MYO5A: variants seen among roughly 807,000 people sequenced by gnomAD.
The protein encoded by MYO5A is unconventional myosin-Va.
Under a neutral mutation model 249.7 loss-of-function variants are expected in MYO5A, and 98 were observed. That is an observed-to-expected ratio of 0.39 (90% CI 0.33 to 0.46). MYO5A has a LOEUF of 0.46. Ranked by LOEUF, MYO5A falls within the 20% of genes least tolerant of loss-of-function variation. The pLI is 0.98. For synonymous variants in MYO5A, 778 were observed against 810.6 expected, an observed-to-expected ratio of 0.96 and a Z score of 0.68; for missense variants, 1,696 against 2,308.8, an observed-to-expected ratio of 0.73 and a Z score of 5.44.
intron 36 of MYO5A, 169 bp from the exon 37 acceptor site, chr15:52,323,613 A>C: frequency 1.7e-6 from 1 of 575,332 alleles, no homozygotes; most frequent in Non-Finnish European, 3.1e-6. Context: ...GCAGAATGTC[A>C]GCGACCAGGT....
intron 1 of MYO5A, among the ~76,000 whole-genome samples, chr15:52,456,032 A>T (rs1275131468): frequency 6.6e-6 from 1 of 152,158 alleles, no homozygotes; most frequent in Admixed American, 6.5e-5. Context: ...CCTTGCTCGC[A>T]GATGACATGA....
chr15:52,517,858 C>G, intron 1 of MYO5A, among the ~76,000 whole-genome samples: 1 of 151,710 alleles, frequency 6.6e-6, no homozygotes, highest in Non-Finnish European at 1.5e-5. Context: ...CAATAGTTGA[C>G]AATGATTATT....
chr15:52,440,768 T>C (rs574495633), intron 1 of MYO5A, among the ~76,000 whole-genome samples: 2 of 152,346 alleles, frequency 1.3e-5, no homozygotes, highest in South Asian at 4.1e-4. Context: ...CAGAGTAAAC[T>C]GACCAGCCCT....
At position 52,313,282 on chromosome 15, in the gene MYO5A, T is replaced by C; in HGVS notation, c.*414A>G. ...GAGACTTTTCTTTCCATTCTCCTGT[T>C]TAGTGCAGAGGAGGTTCTTTGGTGC... is the stretch of plus-strand genomic sequence containing the variant. On this transcript the variant is annotated 3_prime_UTR_variant, in exon 42 of 42. Coordinates refer to ENST00000399233, the MANE Select transcript of MYO5A (RefSeq NM_001382347.1). 1 of 222,200 alleles carries C rather than the reference T, an allele frequency of 4.5e-6. No individual in the cohort carries two copies. Among genetic ancestry groups the C allele is most frequent in the South Asian group, 7.2e-5 (1 of 13,908 alleles). The allele number at this position is 222,200 out of a possible 1,614,324, so 13.8% of individuals were successfully genotyped here.
At position 52,314,200 on chromosome 15, in the gene MYO5A, C is replaced by A. The variant is rs770046260; in HGVS notation, c.5413G>T (p.Val1805Leu). ...GGAGTATACAAATTCAACACTTTCACAATCTGTGAGAAATGAAATGATCAA... is the reference window on the plus strand; with the variant it reads ...GGAGTATACAAATTCAACACTTTCAAAATCTGTGAGAAATGAAATGATCAA... ...MCNALTTAQI[V>L]KVLNLYTPVN... is the part of the protein sequence containing the mutation. The change falls in exon 41 of 42, where the codon GTG becomes TTG. Residue 1805 changes from valine to leucine, a missense_variant. Val to Leu is a conservative substitution (Grantham distance 32). This residue lies in a region of MYO5A where 625 missense variants were observed against 908.1 expected (regional missense o/e 0.69). Transcript: ENST00000399233. The A allele has an allele frequency of 6.2e-7, 1 of 1,607,296 alleles. No individual in the cohort carries two copies. Among genetic ancestry groups the A allele is most frequent in the African/African-American group, 1.3e-5 (1 of 74,768 alleles).
intron 1 of MYO5A, among the ~76,000 whole-genome samples, chr15:52,452,126 C>T (rs901972463): frequency 1.3e-5 from 2 of 151,968 alleles, no homozygotes; most frequent in Admixed American, 6.6e-5. Flanking sequence ...TTCACCACCC[C>T]CTCCCCCCAC....
chr15:52,487,152 A>T (rs1332815648), intron 1 of MYO5A, among the ~76,000 whole-genome samples: 1 of 152,030 alleles, frequency 6.6e-6, no homozygotes, highest in Non-Finnish European at 1.5e-5. Flanking sequence ...GCAGCAGCTC[A>T]CTCTTGTAAT....
At chr15:52,408,875 A>T (rs1394050378) in intron 6 of MYO5A, among the ~76,000 whole-genome samples, 1 of 152,214 alleles carries the variant, frequency 6.6e-6, no homozygotes, top group East Asian at 1.9e-4. Context: ...ATGTCTGGAA[A>T]AGAAAACCTA....
intron 1 of MYO5A, among the ~76,000 whole-genome samples, chr15:52,438,464 G>A (rs1316981462): frequency 6.6e-6 from 1 of 152,134 alleles, no homozygotes; most frequent in Non-Finnish European, 1.5e-5. Flanking sequence ...ACTGGACACA[G>A]CCCCAGCAAG....
intron 5 of MYO5A, among the ~76,000 whole-genome samples, chr15:52,412,920 G>C (rs2043310716): frequency 6.6e-6 from 1 of 152,154 alleles, no homozygotes. Context: ...GGCCAAGGCG[G>C]GTGGATCACC....
chr15:52,498,136 GAAAA>G (rs1461281738), intron 1 of MYO5A, among the ~76,000 whole-genome samples: 2 of 151,924 alleles, frequency 1.3e-5, no homozygotes, highest in Non-Finnish European at 2.9e-5. Flanking sequence ...GTACAATAAA[GAAAA>G]ATCAACAAAA....
chr15:52,445,182 C>G (rs2075862998), intron 1 of MYO5A, among the ~76,000 whole-genome samples: 1 of 152,140 alleles, frequency 6.6e-6, no homozygotes, highest in South Asian at 2.1e-4. Flanking sequence ...TGGGCAGATC[C>G]CTCATGGCTT....
chr15:52,507,803 C>CAAAAAAAAAAAAAAAAAAAAAAAAAAAAA (rs146846192), intron 1 of MYO5A, among the ~76,000 whole-genome samples: 1 of 127,164 alleles, frequency 7.9e-6, no homozygotes, highest in Non-Finnish European at 1.6e-5. Flanking sequence ...GACCCTGTCC[C>CAAAAAAAAAAAAAAAAAAAAAAAAAAAAA]CAAAAAAAAA....
At chr15:52,446,471 A>AG (rs1445132277) in intron 1 of MYO5A, among the ~76,000 whole-genome samples, 1 of 152,268 alleles carries the variant, frequency 6.6e-6, no homozygotes, top group African/African-American at 2.4e-5. Context: ...AGCCTCCTGC[A>AG]GGGGCAAAGC....
At chr15:52,343,729 C>A (rs190847917) in intron 30 of MYO5A, among the ~76,000 whole-genome samples, 24 of 152,146 alleles carry the variant, frequency 1.6e-4, no homozygotes, top group African/African-American at 5.5e-4. Flanking sequence ...AGAACATGTC[C>A]AAGGTTCTCA....
chr15:52,389,814 C>T (rs1003253458), intron 12 of MYO5A, among the ~76,000 whole-genome samples: 6 of 151,980 alleles, frequency 3.9e-5, no homozygotes, highest in African/African-American at 1.5e-4. Flanking sequence ...ATTAGCCAGG[C>T]GAGGTGGTGG....
intron 24 of MYO5A, 135 bp from the exon 25 acceptor site, chr15:52,360,216 T>C: frequency 1.4e-6 from 1 of 699,518 alleles, no homozygotes; most frequent in Non-Finnish European, 2.6e-6. Context: ...TGTTCCATAT[T>C]GTTTTGACCA....
At chr15:52,322,765 C>G (rs1372799732) in intron 37 of MYO5A, among the ~76,000 whole-genome samples, 3 of 144,544 alleles carry the variant, frequency 2.1e-5, no homozygotes, top group Middle Eastern at 3.6e-3. Flanking sequence ...TTTGATCACC[C>G]TTTTTTTTTT....
intron 14 of MYO5A, 158 bp downstream of exon 14, chr15:52,387,671 C>T (rs2042025229): frequency 1.6e-6 from 1 of 617,970 alleles, no homozygotes; most frequent in Admixed American, 2.8e-5. Context: ...TAGAACAGGA[C>T]CTGACATGCA....
Sources: allele counts gnomAD v4.1 joint callset (sites outside exome capture counted in the v4.1 genomes callset), GRCh38; gene constraint gnomAD v4.1.1; regional missense constraint gnomAD v4.1.1; transcripts MANE v1.5; gene names NCBI Gene and HGNC (gene_info 2026-07-23, HGNC 2026-07-21).